Variants in CDH13 observed in about 807,000 individuals in gnomAD.
CDH13 encodes cadherin-13.
CDH13 carries 24 observed loss-of-function variants against 63.8 expected under a neutral mutation model. The ratio of observed to expected loss-of-function variants is 0.38; its 90% CI spans 0.27 to 0.53. The LOEUF is 0.53. CDH13 is among the 20% of genes least tolerant of loss of function. The pLI, the probability that CDH13 is intolerant of heterozygous loss-of-function variation, is 0.85. For missense variants in CDH13, 1,049 were observed against 903.1 expected, an observed-to-expected ratio of 1.16 and a Z score of -2.07; for synonymous variants, 503 against 355.3, an observed-to-expected ratio of 1.42 and a Z score of -4.67.
chr16:82,793,041 C>A (rs536485611), intron 1 of CDH13, among the ~76,000 whole-genome samples: 5 of 152,324 alleles, frequency 3.3e-5, no homozygotes, highest in African/African-American at 7.2e-5. Flanking sequence ...CAGCAGTCTG[C>A]CCCTGATGGA....
intron 1 of CDH13, among the ~76,000 whole-genome samples, chr16:82,750,763 A>G (rs2034380253): frequency 6.6e-6 from 1 of 151,490 alleles, no homozygotes; most frequent in South Asian, 2.1e-4. Context: ...GAAAATTGCA[A>G]GAGATTGGCT....
In CDH13 at chr16:83,678,241, C is replaced by G. The variant is rs1395297662; in HGVS notation, c.1318C>G (p.Leu440Val). ...LDYEISAFHT[L>V]LIKVENEDPL... ...CTATGAAATTTCTGCCTTCCACACCCTGCTGATCAAAGTGGAAAATGAAGA... is the reference window on the plus strand; with the variant it reads ...CTATGAAATTTCTGCCTTCCACACCGTGCTGATCAAAGTGGAAAATGAAGA... The change falls in exon 10 of 14, where the codon CTG becomes GTG. Residue 440 changes from leucine to valine, a missense_variant. Coordinates refer to ENST00000567109, the MANE Select transcript of CDH13 (RefSeq NM_001257.5). 4 of 1,613,870 alleles carry G rather than the reference C, an allele frequency of 2.5e-6. No homozygotes were observed. The highest frequency in any genetic ancestry group is 2.2e-5 in the East Asian group (1 of 44,866).
intron 7 of CDH13, among the ~76,000 whole-genome samples, chr16:83,580,103 G>T (rs928535922): frequency 6.6e-6 from 1 of 152,096 alleles, no homozygotes; most frequent in African/African-American, 2.4e-5. Context: ...GAGGGGGACA[G>T]ATCTCCAAGG....
intron 1 of CDH13, among the ~76,000 whole-genome samples, chr16:82,717,972 C>A (rs1454151670): frequency 6.6e-6 from 1 of 152,170 alleles, no homozygotes; most frequent in African/African-American, 2.4e-5. Flanking sequence ...CCCAATGAGA[C>A]CTGACCCATT....
chr16:83,531,012 C>G (rs960378683), intron 7 of CDH13, among the ~76,000 whole-genome samples: 1 of 152,200 alleles, frequency 6.6e-6, no homozygotes, highest in African/African-American at 2.4e-5. Flanking sequence ...AGGGGGAATG[C>G]TGGCAGTGTG....
chr16:82,930,998 G>T (rs1008743163), intron 2 of CDH13, among the ~76,000 whole-genome samples: 1 of 152,232 alleles, frequency 6.6e-6, no homozygotes, highest in African/African-American at 2.4e-5. Context: ...GGACAGAAAA[G>T]TTCTGTTTCT....
At chr16:82,765,311 G>A (rs917169962) in intron 1 of CDH13, among the ~76,000 whole-genome samples, 4 of 152,176 alleles carry the variant, frequency 2.6e-5, no homozygotes, top group Non-Finnish European at 4.4e-5. Context: ...TTAAGGGATT[G>A]CTCGTAAAGA....
At chr16:82,978,078 C>T (rs1768946349) in intron 2 of CDH13, among the ~76,000 whole-genome samples, 1 of 152,156 alleles carries the variant, frequency 6.6e-6, no homozygotes. Flanking sequence ...CTAGAGATCT[C>T]TGGCACTTTG....
chr16:82,967,469 C>A (rs1388428639), intron 2 of CDH13, among the ~76,000 whole-genome samples: 3 of 152,220 alleles, frequency 2.0e-5, no homozygotes, highest in Non-Finnish European at 4.4e-5. Flanking sequence ...TAGTACAATT[C>A]TCAGTAAGCA....
intron 2 of CDH13, among the ~76,000 whole-genome samples, chr16:82,926,533 C>A (rs2042308899): frequency 6.6e-6 from 1 of 152,184 alleles, no homozygotes; most frequent in Admixed American, 6.5e-5. Context: ...TGCTCTGAAG[C>A]TCATTCTTGT....
chr16:83,189,219 G>A (rs777998829), intron 4 of CDH13, among the ~76,000 whole-genome samples: 2 of 152,000 alleles, frequency 1.3e-5, no homozygotes, highest in South Asian at 2.1e-4. Context: ...GTAGATTTCC[G>A]CCGTCTGTGT....
At chr16:83,661,691 G>A (rs1301606773) in intron 8 of CDH13, among the ~76,000 whole-genome samples, 1 of 152,072 alleles carries the variant, frequency 6.6e-6, no homozygotes, top group African/African-American at 2.4e-5. Context: ...GGTGTAGACA[G>A]GGTCATGTAG....
intron 4 of CDH13, among the ~76,000 whole-genome samples, chr16:83,149,967 G>T (rs978235532): frequency 6.6e-6 from 1 of 152,144 alleles, no homozygotes. Flanking sequence ...ATGTGAGATT[G>T]TATCTTCTTA....
chr16:83,481,535 G>A (rs564632028), intron 6 of CDH13, among the ~76,000 whole-genome samples: 1 of 152,316 alleles, frequency 6.6e-6, no homozygotes, highest in African/African-American at 2.4e-5. Context: ...TTGCTTTAAT[G>A]AGAGAGCTGC....
At chr16:82,948,176 G>C (rs1409724533) in intron 2 of CDH13, among the ~76,000 whole-genome samples, 2 of 152,062 alleles carry the variant, frequency 1.3e-5, no homozygotes, top group African/African-American at 4.8e-5. Flanking sequence ...CAAAGCACCC[G>C]AGTAAGTTAT....
chr16:83,318,971 T>G (rs527394277), intron 5 of CDH13, among the ~76,000 whole-genome samples: 1 of 151,338 alleles, frequency 6.6e-6, no homozygotes, highest in South Asian at 2.1e-4. Context: ...TAATAATAAT[T>G]CAATCATTAT....
At chr16:82,983,444 G>A (rs1447701272) in intron 2 of CDH13, among the ~76,000 whole-genome samples, 1 of 152,182 alleles carries the variant, frequency 6.6e-6, no homozygotes, top group African/African-American at 2.4e-5. Flanking sequence ...GAGGGTTGAA[G>A]GGTCAAGACC....
intron 8 of CDH13, among the ~76,000 whole-genome samples, chr16:83,668,711 A>C (rs528104652): frequency 6.6e-6 from 1 of 152,336 alleles, no homozygotes; most frequent in East Asian, 1.9e-4. Flanking sequence ...CAGGAGACTT[A>C]GGTCTGATCT....
chr16:82,665,170 G>T (rs943432285), intron 1 of CDH13, among the ~76,000 whole-genome samples: 1 of 152,070 alleles, frequency 6.6e-6, no homozygotes, highest in African/African-American at 2.4e-5. Context: ...ACCATTTAAT[G>T]CCACATTTGC....
Sources: gnomAD v4.1 joint callset for allele counts (sites outside exome capture counted in the v4.1 genomes callset) on GRCh38, gnomAD v4.1.1 for gene constraint, MANE v1.5 for transcripts, NCBI Gene and HGNC (gene_info 2026-07-23, HGNC 2026-07-21) for gene names.